PARP1: variants seen among roughly 807,000 people sequenced by gnomAD.
PARP1 encodes the protein poly(ADP-ribose) polymerase 1.
In PARP1, 44 loss-of-function variants were observed where a neutral mutation model predicts 118.7. The ratio of observed to expected loss-of-function variants is 0.37; its 90% CI spans 0.29 to 0.48. PARP1 has a LOEUF of 0.48. Ranked by LOEUF, PARP1 falls within the 20% of genes least tolerant of loss-of-function variation. PARP1 has a pLI of 0.99. For missense variants in PARP1, 1,100 were observed against 1,272.4 expected, an observed-to-expected ratio of 0.86 and a Z score of 2.06; for synonymous variants, 492 against 483.2, an observed-to-expected ratio of 1.02 and a Z score of -0.24.
chr1:226,367,977 C>T (rs1471149791), intron 16 of PARP1, among the ~76,000 whole-genome samples: 2 of 152,200 alleles, frequency 1.3e-5, no homozygotes, highest in African/African-American at 2.4e-5. Flanking sequence ...GAGGCTGTCC[C>T]TCTCCAACAG....
Position 226,368,208 on chromosome 1 carries a change from G to A in PARP1, c.2268C>T (p.Asp756=). The A allele has an allele frequency of 6.2e-7, 1 of 1,614,220 alleles. No individual in the cohort carries two copies. The change falls in exon 16 of 23, where the codon GAC becomes GAT. Residue 756 remains aspartate (D), a synonymous_variant. Coordinates refer to ENST00000366794, the MANE Select transcript of PARP1 (RefSeq NM_001618.4). ...MKKPPLLNNA[D]SVQAKVEMLD... ...TGAACCCTTGCGCTACCTGCACACT[G>A]TCTGCATTGTTCAGGAGCGGAGGCT...
At position 226,402,424 on chromosome 1, in the gene PARP1, T is replaced by C. The variant is rs746034725; in HGVS notation, c.121-45A>G. 12 of 1,579,858 alleles carry C rather than the reference T, an allele frequency of 7.6e-6. No homozygotes were observed. The South Asian group carries it at 1.0e-4, about 13-fold the overall frequency. On this transcript the variant is annotated intron_variant, in intron 1 of 22. Coordinates refer to ENST00000366794, the MANE Select transcript of PARP1 (RefSeq NM_001618.4). ...AGGGAAGTAAGTAAGCAGTTAACTTTTGACTTAGACCCACTAGACCTTGAC... is the reference window on the plus strand; with the variant it reads ...AGGGAAGTAAGTAAGCAGTTAACTTCTGACTTAGACCCACTAGACCTTGAC...
Position 226,361,088 on chromosome 1 carries a change from A to G in PARP1, c.*372T>C, listed in dbSNP as rs756147713. ...AAAACTAAAGACGAACACTTAGAAAAAAGGGTGGAAGTGTATTTTTCCTTC... is the reference window on the plus strand; with the variant it reads ...AAAACTAAAGACGAACACTTAGAAAGAAGGGTGGAAGTGTATTTTTCCTTC... On this transcript the variant is annotated 3_prime_UTR_variant, in exon 23 of 23. Transcript: ENST00000366794. 1.8e-4 allele frequency: 50 copies of G among 271,082 alleles called. 1 individual carries two copies. The highest frequency in any genetic ancestry group is 1.6e-4 in the Non-Finnish European group (23 of 141,502). 16.8% of individuals were successfully genotyped at this position (271,082 alleles called of 1,614,324 possible). A position where few individuals can be genotyped will look rare whatever the true frequency, so the allele number is the denominator to read the frequency against.
At chr1:226,400,991 C>T (rs1403984327) in intron 2 of PARP1, among the ~76,000 whole-genome samples, 1 of 152,160 alleles carries the variant, frequency 6.6e-6, no homozygotes, top group African/African-American at 2.4e-5. Context: ...TCCCCTTCCT[C>T]CCTCTCTCTT....
chr1:226,393,153 C>T (rs561715582), intron 2 of PARP1, among the ~76,000 whole-genome samples: 2 of 152,166 alleles, frequency 1.3e-5, no homozygotes, highest in Non-Finnish European at 2.9e-5. Context: ...GCAGGGCACA[C>T]TGTCAATATA....
In PARP1 at chr1:226,377,175, G is replaced by A. The variant is rs146978206; in HGVS notation, c.1874C>T (p.Ala625Val). Reference sequence around the variant, plus strand: ...CTTCGTGAAATTTTTGGAGTGCCAAGCGTTCCCGGTTTTTTCTTCATATAA... The same window carrying A: ...CTTCGTGAAATTTTTGGAGTGCCAAACGTTCCCGGTTTTTTCTTCATATAA... Reference protein sequence around the residue: ...MKLYEEKTGNAWHSKNFTKYP... With the variant: ...MKLYEEKTGNVWHSKNFTKYP... The change falls in exon 13 of 23, where the codon GCT (alanine) becomes GTT (valine). Residue 625 changes from alanine (A) to valine (V), a missense_variant. Transcript: ENST00000366794. The A allele has an allele frequency of 2.3e-5, 37 of 1,614,140 alleles. No homozygotes were observed. The highest frequency in any genetic ancestry group is 3.1e-5 in the Non-Finnish European group (36 of 1,180,024).
chr1:226,378,121 C>T (rs1261572786), intron 12 of PARP1, among the ~76,000 whole-genome samples: 1 of 151,900 alleles, frequency 6.6e-6, no homozygotes, highest in African/African-American at 2.4e-5. Context: ...TTTTTCTGAC[C>T]CTAACAGCCT....
chr1:226,407,729 C>T (rs1163859433), intron 1 of PARP1, 81 bp downstream of exon 1: 1 of 1,418,756 alleles, frequency 7.0e-7, no homozygotes, highest in Non-Finnish European at 9.5e-7. Flanking sequence ...GCTCCCTGGG[C>T]CCGCCCTCCC....
At chr1:226,384,056 C>G (rs552620379) in intron 7 of PARP1, among the ~76,000 whole-genome samples, 1 of 152,350 alleles carries the variant, frequency 6.6e-6, no homozygotes, top group Admixed American at 6.5e-5. Flanking sequence ...CTAAGCTATG[C>G]CAGAGGTGTG....
chr1:226,407,231 GTTACT>G (rs763727837), intron 1 of PARP1, among the ~76,000 whole-genome samples: 6 of 152,092 alleles, frequency 3.9e-5, no homozygotes, highest in South Asian at 2.1e-4. Flanking sequence ...TGGGGAAAAT[GTTACT>G]TTAAAGCACA....
At chr1:226,365,784 AC>A (rs1328182573) in intron 18 of PARP1, among the ~76,000 whole-genome samples, 169 bp downstream of exon 18, 148 of 146,602 alleles carry the variant, frequency 1.0e-3, no homozygotes, top group African/African-American at 3.6e-3. Flanking sequence ...AAAACAAAAA[AC>A]AAACAAACAA....
At chr1:226,381,030 A>G (rs774958811) in intron 9 of PARP1, 38 bp downstream of exon 9, 6 of 1,611,714 alleles carry the variant, frequency 3.7e-6, no homozygotes, top group Non-Finnish European at 3.4e-6. Context: ...AAGATACAGA[A>G]GCATTGTCCC....
chr1:226,402,008 C>T (rs2666428), intron 2 of PARP1: 537,223 of 1,485,744 alleles, frequency 0.36, 105,456 homozygotes, highest in East Asian at 0.79. Context: ...ATTCCAAGCA[C>T]CTGGAAAAAC....
chr1:226,399,670 C>T (rs774377681), intron 2 of PARP1, among the ~76,000 whole-genome samples: 16 of 152,192 alleles, frequency 1.1e-4, no homozygotes, highest in Non-Finnish European at 1.5e-4. Flanking sequence ...AACTACAGAC[C>T]TCGAGGGATA....
chr1:226,403,649 C>A (rs188768101), intron 1 of PARP1, among the ~76,000 whole-genome samples: 2 of 152,306 alleles, frequency 1.3e-5, no homozygotes, highest in Admixed American at 1.3e-4. Context: ...GAAATCCTTG[C>A]CTGGGGGGTT....
chr1:226,397,076 G>A (rs1664937738), intron 2 of PARP1, among the ~76,000 whole-genome samples: 1 of 149,918 alleles, frequency 6.7e-6, no homozygotes, highest in African/African-American at 2.5e-5. Flanking sequence ...ATTGTTTGAA[G>A]CCAAGAGTTT....
At chr1:226,378,151 C>T (rs1311896328) in intron 12 of PARP1, among the ~76,000 whole-genome samples, 1 of 152,100 alleles carries the variant, frequency 6.6e-6, no homozygotes, top group African/African-American at 2.4e-5. Flanking sequence ...TTTCACTTAA[C>T]ACCAGGAAAT....
intron 1 of PARP1, among the ~76,000 whole-genome samples, chr1:226,403,145 G>C (rs887002742): frequency 6.6e-6 from 1 of 152,198 alleles, no homozygotes; most frequent in Non-Finnish European, 1.5e-5. Flanking sequence ...CTTCCCACTA[G>C]GCCTTTCATT....
Position 226,370,352 on chromosome 1 carries a change from G to A in PARP1, c.2154+82C>T, listed in dbSNP as rs2271351. ...TCCAGTTTCTTAACCTTGAGTAAAT[G>A]TTACCCCTGCCACCCCCAGGTCTCA... On this transcript the variant is annotated intron_variant, in intron 15 of 22. Coordinates refer to ENST00000366794, the MANE Select transcript of PARP1 (RefSeq NM_001618.4). The A allele has an allele frequency of 4.3e-5, 43 of 989,260 alleles. No homozygotes were observed. The East Asian group carries it at 1.0e-3, about 23-fold the overall frequency. 61.3% of individuals were successfully genotyped at this position (989,260 alleles called of 1,614,324 possible).
Sources: gnomAD v4.1 joint callset for allele counts (sites outside exome capture counted in the v4.1 genomes callset) on GRCh38, gnomAD v4.1.1 for gene constraint, MANE v1.5 for transcripts, NCBI Gene and HGNC (gene_info 2026-07-23, HGNC 2026-07-21) for gene names.